The following MCF2L variants were observed in gnomAD, a reference collection of about 807,000 sequenced individuals.
MCF2L encodes MCF.2 cell line derived transforming sequence like, also known as guanine nucleotide exchange factor DBS.
Under a neutral mutation model 153.4 loss-of-function variants are expected in MCF2L, and 97 were observed. That is an observed-to-expected ratio of 0.63 (90% CI 0.54 to 0.75). MCF2L has a LOEUF of 0.75. Ranked by LOEUF, MCF2L falls within the 30% of genes least tolerant of loss-of-function variation. The pLI is 0.00. For synonymous variants in MCF2L, 659 were observed against 632.2 expected, an observed-to-expected ratio of 1.04 and a Z score of -0.64; for missense variants, 1,347 against 1,495.2, an observed-to-expected ratio of 0.90 and a Z score of 1.64.
At chr13:113,050,190 G>A (rs888354992) in intron 4 of MCF2L, among the ~76,000 whole-genome samples, 11 of 151,712 alleles carry the variant, frequency 7.3e-5, no homozygotes, top group South Asian at 6.4e-4. Context: ...GTGTGTGTGC[G>A]AGCGAGTGGG....
intron 2 of MCF2L, among the ~76,000 whole-genome samples, chr13:112,961,596 C>T (rs1465723131): frequency 6.6e-6 from 1 of 152,240 alleles, no homozygotes; most frequent in South Asian, 2.1e-4. Flanking sequence ...GAGCCCACCC[C>T]TCTCGAGGCC....
At position 113,087,687 on chromosome 13, in the gene MCF2L, T is replaced by C. The variant is rs750820600; in HGVS notation, c.2596-20T>C. The C allele has an allele frequency of 2.5e-6, 4 of 1,604,746 alleles. No homozygotes were observed. The highest frequency in any genetic ancestry group is 1.3e-5 in the African/African-American group (1 of 74,834). ...GGGTTCACTGTGCACGCGAACCCCA[T>C]CTCCACTCTCTGCTCGCAGATGGCT... On this transcript the variant is annotated intron_variant, in intron 22 of 29. Transcript: ENST00000535094.
intron 1 of MCF2L, among the ~76,000 whole-genome samples, chr13:112,900,773 C>T (rs1031702165): frequency 6.6e-6 from 1 of 152,064 alleles, no homozygotes; most frequent in African/African-American, 2.4e-5. Flanking sequence ...TCCTTCAGGG[C>T]TCCATGTGGT....
intron 2 of MCF2L, among the ~76,000 whole-genome samples, chr13:112,942,773 G>A (rs1479615838): frequency 6.6e-6 from 1 of 152,180 alleles, no homozygotes; most frequent in African/African-American, 2.4e-5. Context: ...TGCAGGCAGG[G>A]ACATCTCTTG....
At chr13:112,900,692 G>T (rs1340579596) in intron 1 of MCF2L, among the ~76,000 whole-genome samples, 1 of 152,146 alleles carries the variant, frequency 6.6e-6, no homozygotes, top group Non-Finnish European at 1.5e-5. Flanking sequence ...TGTGGCCCTG[G>T]TGTCCCCAGA....
chr13:113,087,379 C>T lies in MCF2L; in HGVS notation c.2518C>T (p.Leu840Phe). Residue 840 changes from leucine (L) to phenylalanine (F), a missense_variant, in exon 22 of 30, where the codon CTC (leucine) becomes TTC (phenylalanine). Physicochemically the swap from Leu to Phe is conservative, Grantham distance 22. Coordinates refer to ENST00000535094, the MANE Select transcript of MCF2L (RefSeq NM_001112732.3). ...CCTGTTCCTGCACGAGAAGGCAGTG[C>T]TCTTCTGCAAGAAGAGGGAGGAGAA... ...RHLFLHEKAV[L>F]FCKKREENGE... 1.9e-6 allele frequency: 3 copies of T among 1,613,416 alleles called. No homozygotes were observed. The highest frequency in any genetic ancestry group is 2.5e-6 in the Non-Finnish European group (3 of 1,179,998).
Position 113,074,582 on chromosome 13 carries a change from G to A in MCF2L, c.1116+19G>A, listed in dbSNP as rs372747737. 8.7e-5 allele frequency: 140 copies of A among 1,610,994 alleles called. No individual in the cohort carries two copies. The African/African-American group carries it at 8.8e-4, about 10-fold the overall frequency. On this transcript the variant is annotated intron_variant, in intron 10 of 29. Coordinates refer to ENST00000535094, the MANE Select transcript of MCF2L (RefSeq NM_001112732.3). The surrounding 1 kb of genome is among the most constrained non-coding windows in gnomAD (Gnocchi z 4.2). ...ATCAGGCGTAAGGCGGGGTCCCGGCGGGGGCGGCGGGAGAGTGTGGGCAGC... is the reference window on the plus strand; with the variant it reads ...ATCAGGCGTAAGGCGGGGTCCCGGCAGGGGCGGCGGGAGAGTGTGGGCAGC...
intron 7 of MCF2L, among the ~76,000 whole-genome samples, chr13:113,065,797 C>T (rs905560198): frequency 6.6e-6 from 1 of 152,218 alleles, no homozygotes; most frequent in African/African-American, 2.4e-5. Flanking sequence ...ACTCTTTCAC[C>T]TTAACCCGTT....
intron 4 of MCF2L, among the ~76,000 whole-genome samples, chr13:113,048,437 CTTTTTTTTTTTTT>C (rs35857164): frequency 1.9e-5 from 2 of 104,176 alleles, no homozygotes; most frequent in African/African-American, 3.7e-5. Context: ...AATTTACGGT[CTTTTTTTTTTTTT>C]TTTTTTTTGA....
chr13:112,902,357 C>A, exon 2 of MCF2L: 1 of 1,612,320 alleles, frequency 6.2e-7, no homozygotes, highest in South Asian at 1.1e-5. Context: ...CCGGAGGCGA[C>A]GGCCATGGCC....
chr13:112,923,741 T>A (rs1566640809), intron 2 of MCF2L, among the ~76,000 whole-genome samples: 1 of 152,188 alleles, frequency 6.6e-6, no homozygotes, highest in Non-Finnish European at 1.5e-5. Context: ...TGTATGTAGA[T>A]CCAGAGTCTA....
At chr13:113,006,064 G>C (rs925837513) in intron 1 of MCF2L, among the ~76,000 whole-genome samples, 1 of 152,162 alleles carries the variant, frequency 6.6e-6, no homozygotes, top group Non-Finnish European at 1.5e-5. Context: ...ATGGGAGGCC[G>C]TGCCCTGCCA....
At chr13:112,897,974 C>T (rs34743317) in intron 1 of MCF2L, among the ~76,000 whole-genome samples, 41,736 of 146,302 alleles carry the variant, frequency 0.29, 6,382 homozygotes, top group Admixed American at 0.34. Context: ...GTGGCCCGTC[C>T]AGCCCCAGCC....
intron 1 of MCF2L, among the ~76,000 whole-genome samples, chr13:112,899,937 A>G (rs982317848): frequency 1.5e-4 from 23 of 152,200 alleles, no homozygotes; most frequent in African/African-American, 4.8e-4. Context: ...GTGGAGAGAA[A>G]CAGCGGAACA....
chr13:113,062,261 C>G (rs9577453), intron 5 of MCF2L, among the ~76,000 whole-genome samples: 62,348 of 151,868 alleles, frequency 0.41, 12,995 homozygotes, highest in African/African-American at 0.46. Context: ...CTAGGCATTG[C>G]GTGTGCAGCT....
chr13:112,975,710 G>A (rs563935287), intron 1 of MCF2L, among the ~76,000 whole-genome samples: 2 of 152,214 alleles, frequency 1.3e-5, no homozygotes, highest in African/African-American at 2.4e-5. Flanking sequence ...CCGCACTGAC[G>A]ATCCCAGTAA....
intron 2 of MCF2L, among the ~76,000 whole-genome samples, chr13:112,933,128 G>C (rs3011485): frequency 0.76 from 115,049 of 152,224 alleles, 43,619 homozygotes; most frequent in East Asian, 0.83. Context: ...GTGCTGGGCC[G>C]ACAGCCTTCT....
At chr13:113,013,382 G>A (rs1434620170) in intron 1 of MCF2L, among the ~76,000 whole-genome samples, 4 of 152,100 alleles carry the variant, frequency 2.6e-5, no homozygotes, top group South Asian at 2.1e-4. Flanking sequence ...CCATGACACC[G>A]TGGCCCTGCT....
At position 113,075,136 on chromosome 13, in the gene MCF2L, A is replaced by G; in HGVS notation, c.1255A>G (p.Arg419Gly). Residue 419 changes from arginine (R) to glycine (G), a missense_variant, in exon 11 of 30, where the codon AGG becomes GGG. Around this residue, in one of 3 missense-constraint regions of MCF2L, gnomAD observed 820 missense variants for 921.2 expected, o/e 0.89. Transcript: ENST00000535094. ...TGACCAGTTCTCTGCGGAGATCGCA[A>G]GGAGGAGGGGGCTGCTCAGCAAGTC... Reference protein sequence around the residue: ...LCDQFSAEIARRRGLLSKSLE... With the variant: ...LCDQFSAEIAGRRGLLSKSLE... 6.2e-7 allele frequency: 1 copy of G among 1,612,868 alleles called. No homozygotes were observed. The highest frequency in any genetic ancestry group is 1.3e-5 in the African/African-American group (1 of 75,040).
Sources: gnomAD v4.1 joint callset for allele counts (sites outside exome capture counted in the v4.1 genomes callset) on GRCh38, gnomAD v4.1.1 for gene constraint, gnomAD v4.1.1 regional missense constraint, Gnocchi (gnomAD v3.1) non-coding constraint, MANE v1.5 for transcripts, NCBI Gene and HGNC (gene_info 2026-07-23, HGNC 2026-07-21) for gene names.